Variants in SPNS3 observed in about 807,000 individuals in gnomAD.
SPNS3 encodes the protein protein spinster homolog 3.
A neutral mutation model predicts 54.4 loss-of-function variants in SPNS3; 51 were observed. That is an observed-to-expected ratio of 0.94 (90% confidence interval 0.75 to 1.18). The LOEUF (loss-of-function observed/expected upper bound fraction) is 1.18. Among genes scored for constraint, SPNS3 ranks in the 50% most tolerant of loss-of-function variants. SPNS3 has a pLI of 0.00. For missense variants in SPNS3, 669 were observed against 677.4 expected, an observed-to-expected ratio of 0.99 and a Z score of 0.14; for synonymous variants, 309 against 294.7, an observed-to-expected ratio of 1.05 and a Z score of -0.50.
At chr17:4,445,254 G>A in intron 3 of SPNS3, 86 bp downstream of exon 3, 1 of 1,379,836 alleles carries the variant, frequency 7.2e-7, no homozygotes, top group South Asian at 1.3e-5. Context: ...AGCTGCGTGG[G>A]GACAATTCTG....
At chr17:4,438,841 T>A (rs1386452565) in intron 1 of SPNS3, among the ~76,000 whole-genome samples, 5 of 152,220 alleles carry the variant, frequency 3.3e-5, no homozygotes, top group Non-Finnish European at 7.3e-5. Flanking sequence ...AGCCTGTGCA[T>A]ACGCGGGCAG....
Position 4,441,399 on chromosome 17 carries a change from A to G in SPNS3, c.265+1676A>G, listed in dbSNP as rs544929223. The stretch of plus-strand genomic sequence containing the variant: ...AAAAGACAAAAGAGTTACGTGAGCA[A>G]CAGTTAGAAGATCATGGCTTTAGAA... On this transcript the variant is annotated intron_variant, in intron 2 of 11. Transcript: ENST00000355530. Among the ~76,000 whole-genome samples, 3 of 152,314 alleles carry G rather than the reference A, an allele frequency of 2.0e-5. No individual in the cohort carries two copies. In the East Asian group the frequency reaches 5.8e-4, roughly 29 times the overall value.
chr17:4,478,561 T>G lies in SPNS3; in HGVS notation c.1114-11T>G, dbSNP rs1972073225. 1 of 1,565,218 alleles carries G rather than the reference T, an allele frequency of 6.4e-7. No homozygotes were observed. The highest frequency in any genetic ancestry group is 8.7e-7 in the Non-Finnish European group (1 of 1,153,800). ...CTGGGAATCCTCACCCAGGCCACCC[T>G]CTGTCCACAGGTGTTCCTGGGCCTT... On this transcript the variant is annotated splice_polypyrimidine_tract_variant and intron_variant, in intron 8 of 11. Transcript: ENST00000355530.
At chr17:4,466,249 T>C (rs1597330071) in intron 8 of SPNS3, among the ~76,000 whole-genome samples, 1 of 151,972 alleles carries the variant, frequency 6.6e-6, no homozygotes, top group East Asian at 1.9e-4. Flanking sequence ...ACATGGAAAA[T>C]CAACACCATA....
chr17:4,452,432 C>T (rs1290831287), intron 7 of SPNS3, among the ~76,000 whole-genome samples: 1 of 151,784 alleles, frequency 6.6e-6, no homozygotes, highest in Non-Finnish European at 1.5e-5. Context: ...AGAAGTGGCT[C>T]TAAAAGTGGG....
chr17:4,434,733 C>T (rs1970670213), intron 1 of SPNS3, among the ~76,000 whole-genome samples: 1 of 151,646 alleles, frequency 6.6e-6, no homozygotes, highest in Non-Finnish European at 1.5e-5. Context: ...GTCTCGAACT[C>T]CTGACCTCAG....
intron 8 of SPNS3, among the ~76,000 whole-genome samples, chr17:4,463,412 C>CA (rs1200584303): frequency 8.0e-6 from 1 of 125,074 alleles, no homozygotes. Context: ...AAAAAAAAAA[C>CA]AAAACAAAAC....
At chr17:4,461,375 T>TC (rs1971501753) in intron 8 of SPNS3, among the ~76,000 whole-genome samples, 2 of 135,372 alleles carry the variant, frequency 1.5e-5, no homozygotes, top group Non-Finnish European at 3.2e-5. Context: ...TTTTTTTTTT[T>TC]TTTTTTTTTT....
At chr17:4,476,059 GT>G (rs1971988244) in intron 8 of SPNS3, among the ~76,000 whole-genome samples, 1 of 152,218 alleles carries the variant, frequency 6.6e-6, no homozygotes, top group Non-Finnish European at 1.5e-5. Flanking sequence ...GCAAGGCAGG[GT>G]GGGGCTGCGC....
rs1972362161 is a variant in SPNS3, at chr17:4,487,799, C to T, written c.1451-7C>T. On this transcript the variant is annotated splice_polypyrimidine_tract_variant and splice_region_variant and intron_variant, in intron 11 of 11. Transcript: ENST00000355530. ...TTCGGGCAGGCTGAGCATCTTTCCT[C>T]CTGCAGGGACCCCAGACAGCAATGA... 1 of 1,613,756 alleles carries T rather than the reference C, an allele frequency of 6.2e-7. No homozygotes were observed. Among genetic ancestry groups the T allele is most frequent in the African/African-American group, 1.3e-5 (1 of 75,082 alleles).
intron 8 of SPNS3, among the ~76,000 whole-genome samples, chr17:4,466,850 TAAAC>T (rs1020979354): frequency 1.3e-5 from 2 of 152,028 alleles, no homozygotes; most frequent in Non-Finnish European, 2.9e-5. Flanking sequence ...TCTCAATAAA[TAAAC>T]AAACAAACAC....
rs1401859908 is a variant in SPNS3, at chr17:4,462,787, AT to A, written c.1113+9583del. On this transcript the variant is annotated intron_variant, in intron 8 of 11. Coordinates refer to ENST00000355530, the MANE Select transcript of SPNS3 (RefSeq NM_182538.5). ...CATCCATCCATCCATCCATCCATCC[AT>A]CCATCCATCCATCCACCAATCTATC... 1.2e-3 allele frequency among the ~76,000 whole-genome samples: 161 copies of A among 138,964 alleles called. 6 individuals carry two copies. The highest frequency in any genetic ancestry group is 4.9e-3 in the African/African-American group (155 of 31,524). The allele number at this position is 138,964 out of a possible 152,430, so 91.2% of individuals were successfully genotyped here. A position where few individuals can be genotyped will look rare whatever the true frequency, so the allele number is the denominator to read the frequency against.
At chr17:4,440,752 CA>C (rs1812889824) in intron 2 of SPNS3, among the ~76,000 whole-genome samples, 1 of 152,126 alleles carries the variant, frequency 6.6e-6, no homozygotes, top group African/African-American at 2.4e-5. Flanking sequence ...CGGCTTTTCC[CA>C]GGGGGACCTT....
At chr17:4,435,419 C>G (rs1174778649) in intron 1 of SPNS3, among the ~76,000 whole-genome samples, 9 of 141,492 alleles carry the variant, frequency 6.4e-5, no homozygotes, top group Non-Finnish European at 1.1e-4. Flanking sequence ...CCAGTCTGGG[C>G]GACAGAGCAA....
chr17:4,443,077 GTT>G (rs143314084), intron 2 of SPNS3, among the ~76,000 whole-genome samples: 1 of 148,212 alleles, frequency 6.7e-6, no homozygotes, highest in Non-Finnish European at 1.5e-5. Context: ...TTTGCTTTTT[GTT>G]TTTTTTTTTG....
intron 9 of SPNS3, among the ~76,000 whole-genome samples, chr17:4,484,650 T>C (rs1161592570): frequency 6.6e-6 from 1 of 152,150 alleles, no homozygotes; most frequent in Non-Finnish European, 1.5e-5. Flanking sequence ...CCTCAGATCA[T>C]GGACACCTAG....
Position 4,439,706 on chromosome 17 carries a change from C to T in SPNS3, c.248C>T (p.Ala83Val). Residue 83 changes from alanine (A) to valine (V), a missense_variant, in exon 2 of 12, where the codon GCT becomes GTT. By Grantham distance (64) the Ala-to-Val change is moderately conservative. Coordinates refer to ENST00000355530, the MANE Select transcript of SPNS3 (RefSeq NM_182538.5). ...GTTTTCCAGATCAGTGACAACCATG[C>T]TGGTTTGCTTCAGACTGGTAAGGAG... The part of the protein sequence containing the change: ...QEVFQISDNH[A>V]GLLQTVFVSC... 6.2e-7 allele frequency: 1 copy of T among 1,613,022 alleles called. No individual in the cohort carries two copies. The highest frequency in any genetic ancestry group is 8.5e-7 in the Non-Finnish European group (1 of 1,179,610).
At chr17:4,450,353 TCC>T (rs1491161209) in intron 7 of SPNS3, among the ~76,000 whole-genome samples, 2 of 13,770 alleles carry the variant, frequency 1.5e-4, no homozygotes, top group Non-Finnish European at 3.0e-4. Flanking sequence ...CCCTCTCCCC[TCC>T]TCTCTCTCTC....
chr17:4,477,939 T>C (rs1972049200), intron 8 of SPNS3, among the ~76,000 whole-genome samples: 1 of 150,584 alleles, frequency 6.6e-6, no homozygotes. Context: ...TTACTCTTTG[T>C]CCTCTAAAGT....
Sources: gnomAD v4.1 joint callset for allele counts (sites outside exome capture counted in the v4.1 genomes callset) on GRCh38, gnomAD v4.1.1 for gene constraint, MANE v1.5 for transcripts, NCBI Gene and HGNC (gene_info 2026-07-23, HGNC 2026-07-21) for gene names.